The following CRLF1 variants were observed in gnomAD, a reference collection of about 807,000 sequenced individuals.
CRLF1 encodes the protein cytokine receptor like factor 1.
A neutral mutation model predicts 48.9 loss-of-function variants in CRLF1; 36 were observed. The observed-to-expected ratio is 0.74, with a 90% CI of 0.56 to 0.97. The LOEUF (loss-of-function observed/expected upper bound fraction) is 0.97, where lower values mean the gene tolerates loss of function less well. Ranked by LOEUF, CRLF1 falls within the 50% of genes least tolerant of loss-of-function variation. CRLF1 has a pLI of 0.00. For synonymous variants in CRLF1, 256 were observed against 253.4 expected (o/e 1.01, Z -0.10); for missense variants, 534 against 575.1 (o/e 0.93, Z 0.73).
chr19:18,594,421 C>T lies in CRLF1; in HGVS notation c.1038G>A (p.Pro346=), dbSNP rs1407223855. The change falls in exon 7 of 9, where the codon CCG becomes CCA. Residue 346 remains proline (P), a synonymous_variant. Coordinates refer to ENST00000392386, the MANE Select transcript of CRLF1 (RefSeq NM_004750.5). ...ASTPRSERPG[P]GGGACEPRGG... is the part of the protein sequence containing the mutation. ...CCCGCGGTTCGCACGCCCCGCCGCC[C>T]GGGCCCGGGCGCTCTGGTGGTGGGC... 4.0e-6 allele frequency: 6 copies of T among 1,494,178 alleles called. No homozygotes were observed. Among genetic ancestry groups the T allele is most frequent in the Non-Finnish European group, 5.4e-6 (6 of 1,120,666 alleles). 92.6% of individuals were successfully genotyped at this position (1,494,178 alleles called of 1,614,324 possible).
intron 1 of CRLF1, 140 bp from the exon 2 acceptor site, chr19:18,599,986 G>A: frequency 1.0e-6 from 1 of 973,822 alleles, no homozygotes. Context: ...AGGGAAGGTA[G>A]AGATCAGTTG....
chr19:18,595,768 A>G (rs1471136613), intron 6 of CRLF1, among the ~76,000 whole-genome samples: 1 of 152,200 alleles, frequency 6.6e-6, no homozygotes, highest in African/African-American at 2.4e-5. Flanking sequence ...CACAAAAGAG[A>G]GACTAGAGGC....
chr19:18,595,374 T>TG (rs1050251458), intron 6 of CRLF1, among the ~76,000 whole-genome samples: 2 of 152,218 alleles, frequency 1.3e-5, no homozygotes, highest in Non-Finnish European at 2.9e-5. Flanking sequence ...GGATAGGGGC[T>TG]GGGGAGCTGG....
At chr19:18,598,071 G>A (rs972566884) in intron 4 of CRLF1, among the ~76,000 whole-genome samples, 6 of 152,062 alleles carry the variant, frequency 3.9e-5, no homozygotes, top group Non-Finnish European at 8.8e-5. Context: ...CCTGCCTCCC[G>A]CCCTGCGCCC....
intron 1 of CRLF1, among the ~76,000 whole-genome samples, chr19:18,604,655 G>A (rs1976266454): frequency 6.6e-6 from 1 of 152,146 alleles, no homozygotes; most frequent in African/African-American, 2.4e-5. Flanking sequence ...TGGGGACAGA[G>A]ATGCACGCAC....
At chr19:18,598,740 G>GAC (rs767063474) in intron 3 of CRLF1, 32 bp downstream of exon 3, 1 of 1,614,062 alleles carries the variant, frequency 6.2e-7, no homozygotes, top group Non-Finnish European at 8.5e-7. Context: ...GCCAGCCTGG[G>GAC]ACACACACAT....
chr19:18,603,110 C>T (rs1976241041), intron 1 of CRLF1, among the ~76,000 whole-genome samples: 1 of 152,264 alleles, frequency 6.6e-6, no homozygotes, highest in African/African-American at 2.4e-5. Flanking sequence ...ACGCGTTCAT[C>T]TATTCATTCA....
intron 6 of CRLF1, among the ~76,000 whole-genome samples, chr19:18,595,265 T>C (rs1976116985): frequency 6.6e-6 from 1 of 152,210 alleles, no homozygotes; most frequent in African/African-American, 2.4e-5. Flanking sequence ...TGCTGGCTCC[T>C]GTGCAAGAAT....
At chr19:18,594,040 GC>G in intron 8 of CRLF1, 24 bp downstream of exon 8, 1 of 394,858 alleles carries the variant, frequency 2.5e-6, no homozygotes, top group Non-Finnish European at 4.5e-6. Context: ...GCTCCCTCCC[GC>G]CCACCCATTC....
Position 18,604,031 on chromosome 19 carries a change from C to T in CRLF1, c.115+2511G>A, listed in dbSNP as rs557529442. On this transcript the variant is annotated intron_variant, in intron 1 of 8. Coordinates refer to ENST00000392386, the MANE Select transcript of CRLF1 (RefSeq NM_004750.5). ...CCCACCCACCGCTTCCTGCCTGGGC[C>T]CCCCCAACAGAGTGGGAGGCACGGC... 3.3e-5 allele frequency among the ~76,000 whole-genome samples: 5 copies of T among 152,194 alleles called. No individual in the cohort carries two copies. The South Asian group carries it at 8.3e-4, about 25-fold the overall frequency.
intron 1 of CRLF1, among the ~76,000 whole-genome samples, chr19:18,603,703 G>A (rs990141369): frequency 5.3e-5 from 8 of 152,202 alleles, no homozygotes; most frequent in African/African-American, 1.9e-4. Context: ...TGGGCGAGGT[G>A]GGGTGGACAC....
Position 18,598,555 on chromosome 19 carries a change from G to A in CRLF1, c.574C>T (p.Pro192Ser), listed in dbSNP as rs769443319. Reference sequence around the variant, plus strand: ...TCCTTGGGGATGTGGCAGGAGTGGGGCCCCACTGTGTGGTACTCCTCACAT... The same window carrying A: ...TCCTTGGGGATGTGGCAGGAGTGGGACCCCACTGTGTGGTACTCCTCACAT... The part of the protein sequence containing the change: ...NTCEEYHTVG[P>S]HSCHIPKDLA... The change falls in exon 4 of 9, where the codon CCC becomes TCC. Residue 192 changes from proline to serine, a missense_variant. By Grantham distance (74) the Pro-to-Ser change is moderately conservative (BLOSUM62 -1). This residue lies in a region of CRLF1 where 528 missense variants were observed against 555.7 expected (regional missense o/e 0.95). Transcript: ENST00000392386. 6.2e-7 allele frequency: 1 copy of A among 1,614,052 alleles called. No homozygotes were observed.
intron 1 of CRLF1, among the ~76,000 whole-genome samples, chr19:18,600,867 G>A (rs1232711803): frequency 6.6e-6 from 1 of 152,066 alleles, no homozygotes; most frequent in Non-Finnish European, 1.5e-5. Flanking sequence ...GCAGTGGCAC[G>A]ATCATAGCTC....
In CRLF1 at chr19:18,606,672, G is replaced by A. The variant is rs1213421050; in HGVS notation, c.-16C>T. ...CGGCGGGCATGGGGCCGGCGCTGCC[G>A]GGGGCGCGCGGCGGGCTGCGGCTCG... On this transcript the variant is annotated 5_prime_UTR_variant, in exon 1 of 9. Coordinates refer to ENST00000392386, the MANE Select transcript of CRLF1 (RefSeq NM_004750.5). This position sits in a 1 kb window ranked among gnomAD's most constrained non-coding sequence, Gnocchi z 4.8. 1.8e-6 allele frequency: 1 copy of A among 569,460 alleles called. No individual in the cohort carries two copies. The highest frequency in any genetic ancestry group is 2.2e-6 in the Non-Finnish European group (1 of 453,528). 35.3% of individuals were successfully genotyped at this position (569,460 alleles called of 1,614,324 possible).
Position 18,596,887 on chromosome 19 carries a change from G to A in CRLF1, c.855+5C>T, listed in dbSNP as rs1291624182. The A allele has an allele frequency of 3.1e-6, 5 of 1,613,870 alleles. No individual in the cohort carries two copies. In the African/African-American group the frequency reaches 5.3e-5, roughly 17 times the overall value. On this transcript the variant is annotated splice_donor_5th_base_variant and intron_variant, in intron 5 of 8. Transcript: ENST00000392386. ...AGGGGCGGAGTCAGGGAAGGGGAGG[G>A]TCACCTTCCAGTCCACACTGTCCTC...
In CRLF1 at chr19:18,606,005, A is replaced by G. The variant is rs1976289164; in HGVS notation, c.115+537T>C. ...CCCGTGCGCCGGGTCCCGCAGGGGG[A>G]GGGCGGTGGCGCCGGCCCGTGGAGA... On this transcript the variant is annotated intron_variant, in intron 1 of 8. Coordinates refer to ENST00000392386, the MANE Select transcript of CRLF1 (RefSeq NM_004750.5). The surrounding 1 kb of genome is among the most constrained non-coding windows in gnomAD (Gnocchi z 4.8). Among the ~76,000 whole-genome samples the G allele has an allele frequency of 6.6e-6, 1 of 151,248 alleles. No homozygotes were observed. Among genetic ancestry groups the G allele is most frequent in the Admixed American group, 6.6e-5 (1 of 15,256 alleles).
rs1166491065 is a variant in CRLF1 at position 18,606,091 on chromosome 19, C to G, written c.115+451G>C. 2.6e-5 allele frequency among the ~76,000 whole-genome samples: 4 copies of G among 151,572 alleles called. No individual in the cohort carries two copies. Among genetic ancestry groups the G allele is most frequent in the African/African-American group, 9.7e-5 (4 of 41,314 alleles). On this transcript the variant is annotated intron_variant, in intron 1 of 8. Transcript: ENST00000392386. The surrounding 1 kb of genome is among the most constrained non-coding windows in gnomAD (Gnocchi z 4.8). ...CGGCCAGAGCGGCCCCCCTGCAGCC[C>G]CGCCCTCCCCGTGGGGCTCATCCCT...
At chr19:18,596,066 T>A (rs1490989723) in intron 6 of CRLF1, among the ~76,000 whole-genome samples, 1 of 152,240 alleles carries the variant, frequency 6.6e-6, no homozygotes, top group East Asian at 1.9e-4. Context: ...ATTTTCTAGA[T>A]AATTTATTTT....
chr19:18,595,870 T>C (rs1001970580), intron 6 of CRLF1, among the ~76,000 whole-genome samples: 2 of 152,078 alleles, frequency 1.3e-5, no homozygotes, highest in Admixed American at 1.3e-4. Flanking sequence ...AAGGAGAAAT[T>C]GAGGCCCATC....
Sources: gnomAD v4.1 joint callset for allele counts (sites outside exome capture counted in the v4.1 genomes callset) on GRCh38, gnomAD v4.1.1 for gene constraint, gnomAD v4.1.1 regional missense constraint, Gnocchi (gnomAD v3.1) non-coding constraint, MANE v1.5 for transcripts, NCBI Gene and HGNC (gene_info 2026-07-23, HGNC 2026-07-21) for gene names.